Variants in TBC1D4 observed in about 807,000 individuals in gnomAD.
TBC1D4 encodes TBC (Tre-2, BUB2, CDC16) domain-containing protein.
A neutral mutation model predicts 142.5 loss-of-function variants in TBC1D4; 121 were observed. That is an observed-to-expected ratio of 0.85 (90% CI 0.73 to 0.99). The LOEUF (loss-of-function observed/expected upper bound fraction) is 0.99. Among genes scored for constraint, TBC1D4 ranks in the 50% least tolerant of loss-of-function variants. TBC1D4 has a pLI of 0.00. For missense variants in TBC1D4, 1,475 were observed against 1,606.6 expected, an observed-to-expected ratio of 0.92 and a Z score of 1.40; for synonymous variants, 630 against 628.2, an observed-to-expected ratio of 1.00 and a Z score of -0.04.
At chr13:75,401,292 T>C (rs557911972) in intron 1 of TBC1D4, among the ~76,000 whole-genome samples, 1 of 152,194 alleles carries the variant, frequency 6.6e-6, no homozygotes, top group African/African-American at 2.4e-5. Context: ...AGTCACAGTA[T>C]CTCCAAACCC....
chr13:75,378,297 G>T (rs1397377026), intron 1 of TBC1D4, among the ~76,000 whole-genome samples: 1 of 151,982 alleles, frequency 6.6e-6, no homozygotes. Context: ...GTTTTAAAAT[G>T]ATCAGCTTTT....
chr13:75,334,563 T>G (rs1177803611), intron 8 of TBC1D4, among the ~76,000 whole-genome samples: 1 of 152,054 alleles, frequency 6.6e-6, no homozygotes, highest in Non-Finnish European at 1.5e-5. Flanking sequence ...CATAGGTTAT[T>G]GGGGAACAGG....
chr13:75,369,497 T>TCTCACACACACACACA (rs111622568), intron 1 of TBC1D4, among the ~76,000 whole-genome samples: 12 of 150,538 alleles, frequency 8.0e-5, no homozygotes, highest in African/African-American at 2.9e-4. Flanking sequence ...AGACCCTGTC[T>TCTCACACACACACACA]CACACACACA....
chr13:75,296,765 T>C (rs1202376370), intron 17 of TBC1D4, among the ~76,000 whole-genome samples: 1 of 151,976 alleles, frequency 6.6e-6, no homozygotes, highest in African/African-American at 2.4e-5. Context: ...TATAATGTCT[T>C]TATGCTTAAC....
At chr13:75,291,629 G>C (rs1875321798) in intron 19 of TBC1D4, among the ~76,000 whole-genome samples, 1 of 152,116 alleles carries the variant, frequency 6.6e-6, no homozygotes, top group Admixed American at 6.5e-5. Flanking sequence ...GTCCAGTACT[G>C]TCCCATTCTG....
At chr13:75,352,710 T>C (rs1417597836) in intron 4 of TBC1D4, among the ~76,000 whole-genome samples, 1 of 152,092 alleles carries the variant, frequency 6.6e-6, no homozygotes, top group Non-Finnish European at 1.5e-5. Flanking sequence ...AGCAAAGCCC[T>C]CCAGGCCCGT....
At chr13:75,330,812 A>G (rs1486819134) in intron 8 of TBC1D4, among the ~76,000 whole-genome samples, 1 of 152,238 alleles carries the variant, frequency 6.6e-6, no homozygotes, top group Non-Finnish European at 1.5e-5. Context: ...CATCCTTCCA[A>G]TAACAAAAAC....
intron 17 of TBC1D4, among the ~76,000 whole-genome samples, chr13:75,298,813 C>T (rs1408177342): frequency 6.6e-6 from 1 of 152,086 alleles, no homozygotes; most frequent in Non-Finnish European, 1.5e-5. Context: ...CACTGGCTTT[C>T]ACACTTTTTC....
intron 1 of TBC1D4, 49 bp downstream of exon 1, chr13:75,481,221 G>A: frequency 2.7e-6 from 2 of 737,000 alleles, no homozygotes; most frequent in Non-Finnish European, 4.4e-6. Context: ...CCTGCTCCCC[G>A]ATCCCCCAAG....
Position 75,292,196 on chromosome 13 carries a change from ATAAG to A in TBC1D4, c.3388_3391del (p.Leu1130Ter). On this transcript the variant is annotated frameshift_variant, in exon 19 of 21. Coordinates refer to ENST00000377636, the MANE Select transcript of TBC1D4 (RefSeq NM_014832.5). LOFTEE classifies it high-confidence loss of function. ...ATTTTCAAAGCTCTCACATTCCATTATAAGTGTCTCTTGGCTGCTCAGTAGGCTG... is the reference window on the plus strand; with the variant it reads ...ATTTTCAAAGCTCTCACATTCCATTATGTCTCTTGGCTGCTCAGTAGGCTG... 6.2e-7 allele frequency: 1 copy of A among 1,613,546 alleles called. No individual in the cohort carries two copies. Among genetic ancestry groups the A allele is most frequent in the East Asian group, 2.2e-5 (1 of 44,802 alleles).
At chr13:75,330,943 C>T (rs1035227291) in intron 8 of TBC1D4, among the ~76,000 whole-genome samples, 2 of 152,202 alleles carry the variant, frequency 1.3e-5, no homozygotes, top group Non-Finnish European at 2.9e-5. Flanking sequence ...TTATCTCAGA[C>T]AGGTTATTTG....
At chr13:75,412,542 C>T (rs971477031) in intron 1 of TBC1D4, among the ~76,000 whole-genome samples, 7 of 152,054 alleles carry the variant, frequency 4.6e-5, no homozygotes, top group Non-Finnish European at 7.4e-5. Flanking sequence ...TGGGCTCAAG[C>T]AATCCTCCCA....
At chr13:75,391,160 G>A (rs1224118395) in intron 1 of TBC1D4, among the ~76,000 whole-genome samples, 3 of 134,832 alleles carry the variant, frequency 2.2e-5, no homozygotes, top group African/African-American at 5.8e-5. Flanking sequence ...TACAACATCA[G>A]TTTTTCCTTC....
At position 75,349,294 on chromosome 13, in the gene TBC1D4, C is replaced by T; in HGVS notation, c.1284G>A (p.Glu428=). ...AGGCCTGTTTCAGAGTCAGCATTAC[C>T]TCATCAACCTACAGGAAGAAACAAA... ...FQCASESLVD[E]VMLTLKQAFS... is the part of the protein sequence containing the mutation. Residue 428 remains glutamate, a synonymous_variant, in exon 5 of 21, where the codon GAG becomes GAA. Transcript: ENST00000377636. 1.2e-6 allele frequency: 2 copies of T among 1,613,846 alleles called. No homozygotes were observed. The highest frequency in any genetic ancestry group is 2.2e-5 in the East Asian group (1 of 44,876).
At chr13:75,481,167 C>T (rs1888848994) in intron 1 of TBC1D4, 103 bp downstream of exon 1, 1 of 1,467,100 alleles carries the variant, frequency 6.8e-7, no homozygotes, top group Non-Finnish European at 9.0e-7. Flanking sequence ...CGCCTGCAGC[C>T]AAACCTCAGT....
At chr13:75,339,480 T>G (rs1421942405) in intron 7 of TBC1D4, among the ~76,000 whole-genome samples, 1 of 152,134 alleles carries the variant, frequency 6.6e-6, no homozygotes, top group Non-Finnish European at 1.5e-5. Flanking sequence ...ATCCCAGCCT[T>G]GTTTCCCCCA....
At chr13:75,369,390 G>A (rs1161874228) in intron 1 of TBC1D4, among the ~76,000 whole-genome samples, 1 of 152,136 alleles carries the variant, frequency 6.6e-6, no homozygotes, top group Non-Finnish European at 1.5e-5. Context: ...TAGTTAGGAA[G>A]TTGAGGTGGG....
intron 1 of TBC1D4, among the ~76,000 whole-genome samples, chr13:75,401,001 C>T (rs964950524): frequency 6.6e-6 from 1 of 152,184 alleles, no homozygotes; most frequent in East Asian, 1.9e-4. Flanking sequence ...ACCACCTGAC[C>T]CTGGACAAGT....
At chr13:75,431,028 C>A (rs961143643) in intron 1 of TBC1D4, among the ~76,000 whole-genome samples, 1 of 152,152 alleles carries the variant, frequency 6.6e-6, no homozygotes, top group East Asian at 1.9e-4. Flanking sequence ...AATGAACACT[C>A]CTGGCAAGCT....
Sources: gnomAD v4.1 joint callset for allele counts (sites outside exome capture counted in the v4.1 genomes callset) on GRCh38, gnomAD v4.1.1 for gene constraint, MANE v1.5 for transcripts, NCBI Gene and HGNC (gene_info 2026-07-23, HGNC 2026-07-21) for gene names.